Variants in NBAS observed in about 807,000 individuals in gnomAD.
NBAS encodes NBAS subunit of NRZ tethering complex.
Under a neutral mutation model 302.5 loss-of-function variants are expected in NBAS, and 219 were observed. The observed-to-expected ratio is 0.72, with a 90% confidence interval of 0.65 to 0.81. NBAS has a LOEUF of 0.81. Ranked by LOEUF, NBAS falls within the 30% of genes least tolerant of loss-of-function variation. NBAS has a pLI of 0.00. For synonymous variants in NBAS, 1,118 were observed against 1,021.6 expected, an observed-to-expected ratio of 1.09 and a Z score of -1.80; for missense variants, 2,932 against 2,841.6, an observed-to-expected ratio of 1.03 and a Z score of -0.72.
At position 15,474,094 on chromosome 2, in the gene NBAS, C is replaced by T. The variant is rs774185242; in HGVS notation, c.1572G>A (p.Thr524=). The change falls in exon 15 of 52, where the codon ACG becomes ACA. Residue 524 remains threonine, a synonymous_variant. Coordinates refer to ENST00000281513, the MANE Select transcript of NBAS (RefSeq NM_015909.4). The part of the protein sequence containing the change: ...KNYRLVSLRS[T]TPEELYQRKI... ...TCCTCTGATAAAGTTCCTCTGGTGT[C>T]GTGGAGCGCAAACTCACAAGGCGGT... 9.9e-6 allele frequency: 16 copies of T among 1,614,014 alleles called. No homozygotes were observed. In the African/African-American group the frequency reaches 1.2e-4, roughly 12 times the overall value.
At chr2:15,528,191 C>T (rs186838250) in intron 9 of NBAS, among the ~76,000 whole-genome samples, 35 of 151,848 alleles carry the variant, frequency 2.3e-4, no homozygotes, top group Middle Eastern at 3.4e-3. Context: ...CCATCATATC[C>T]GGATTGTATC....
chr2:14,779,116 T>C, the NBAS span, among the ~76,000 whole-genome samples: 8 of 152,140 alleles, frequency 5.3e-5, no homozygotes, highest in Non-Finnish European at 1.0e-4. Context: ...GTGAAAAGTA[T>C]GAAGGATCAG....
chr2:15,467,329 C>G lies in NBAS; in HGVS notation c.2097G>C (p.Glu699Asp). 1 of 1,606,776 alleles carries G rather than the reference C, an allele frequency of 6.2e-7. No individual in the cohort carries two copies. The highest frequency in any genetic ancestry group is 8.5e-7 in the Non-Finnish European group (1 of 1,173,598). The change falls in exon 19 of 52, where the codon GAG becomes GAC. Residue 699 changes from glutamate to aspartate, a missense_variant and splice_region_variant. By Grantham distance (45) the Glu-to-Asp change is conservative. Coordinates refer to ENST00000281513, the MANE Select transcript of NBAS (RefSeq NM_015909.4). ...LTYLDRLATY[E>D]EILGVPHASE... is the part of the protein sequence containing the mutation. ...TGGTTTGACAAAAATTATTCATTACCTCATATGTTGCAAGTCGATCTAAGT... is the reference window on the plus strand; with the variant it reads ...TGGTTTGACAAAAATTATTCATTACGTCATATGTTGCAAGTCGATCTAAGT...
intron 32 of NBAS, among the ~76,000 whole-genome samples, chr2:15,358,946 C>T (rs1382604636): frequency 1.3e-5 from 2 of 152,182 alleles, no homozygotes; most frequent in Non-Finnish European, 2.9e-5. Context: ...ATTTGAGCTA[C>T]AGAAGATGCA....
chr2:15,025,776 G>A, the NBAS span, among the ~76,000 whole-genome samples: 1 of 152,234 alleles, frequency 6.6e-6, no homozygotes, highest in East Asian at 1.9e-4. Context: ...GGCGCTGGCA[G>A]TGTATAGGAT....
intron 47 of NBAS, among the ~76,000 whole-genome samples, chr2:15,220,732 G>A (rs989818262): frequency 2.0e-5 from 3 of 152,176 alleles, no homozygotes; most frequent in Admixed American, 2.0e-4. Context: ...CCATGCTAAA[G>A]CACTGAATTA....
the NBAS span, among the ~76,000 whole-genome samples, chr2:14,944,412 A>G: frequency 3.9e-5 from 6 of 152,238 alleles, no homozygotes; most frequent in Non-Finnish European, 7.4e-5. Flanking sequence ...TTTCACCCCA[A>G]CCCTACAAGG....
chr2:15,560,087 A>G (rs1028186048), intron 1 of NBAS, among the ~76,000 whole-genome samples: 6 of 152,322 alleles, frequency 3.9e-5, no homozygotes, highest in African/African-American at 1.4e-4. Flanking sequence ...TCTCCAGCAA[A>G]GAAACACTCA....
chr2:14,822,309 T>G, the NBAS span, among the ~76,000 whole-genome samples: 1 of 152,118 alleles, frequency 6.6e-6, no homozygotes, highest in Non-Finnish European at 1.5e-5. Flanking sequence ...GTTATCAATT[T>G]TTCCCAGAAA....
chr2:14,979,831 G>C, the NBAS span, among the ~76,000 whole-genome samples: 1 of 152,146 alleles, frequency 6.6e-6, no homozygotes, highest in Non-Finnish European at 1.5e-5. Flanking sequence ...TGGTTAGTGC[G>C]TTAGGAAAAA....
intron 16 of NBAS, among the ~76,000 whole-genome samples, chr2:15,471,618 G>C (rs1679959120): frequency 6.6e-6 from 1 of 152,060 alleles, no homozygotes; most frequent in Non-Finnish European, 1.5e-5. Context: ...ATATAGGCTT[G>C]CTATGAAATC....
At chr2:15,458,374 T>TG (rs1283644719) in intron 21 of NBAS, among the ~76,000 whole-genome samples, 2 of 152,222 alleles carry the variant, frequency 1.3e-5, no homozygotes, top group African/African-American at 4.8e-5. Flanking sequence ...TGATTCCCAG[T>TG]GCTGGAGGCG....
the NBAS span, among the ~76,000 whole-genome samples, chr2:14,888,962 CT>C: frequency 1.5e-4 from 23 of 152,360 alleles, no homozygotes; most frequent in African/African-American, 5.3e-4. Context: ...CCACACTTCA[CT>C]TCCCGCGGGC....
intron 47 of NBAS, among the ~76,000 whole-genome samples, chr2:15,225,784 T>A (rs1558453571): frequency 6.6e-6 from 1 of 152,238 alleles, no homozygotes. Context: ...TTTAATGCTA[T>A]AAATCCTTTT....
chr2:15,319,320 A>T (rs1178999359), intron 38 of NBAS, among the ~76,000 whole-genome samples: 2 of 152,212 alleles, frequency 1.3e-5, no homozygotes, highest in East Asian at 3.9e-4. Context: ...TCGACACCAA[A>T]CATCACAATT....
the NBAS span, among the ~76,000 whole-genome samples, chr2:15,098,044 T>TACA: frequency 0.086 from 19 of 220 alleles, 5 homozygotes; most frequent in Admixed American, 0.38. Context: ...TTATATTGTA[T>TACA]ATAATATATT....
the NBAS span, among the ~76,000 whole-genome samples, chr2:15,045,583 A>G: frequency 6.0e-3 from 918 of 152,274 alleles, 6 homozygotes; most frequent in Middle Eastern, 0.034. Flanking sequence ...CATTGTATAT[A>G]TACATCACAT....
At chr2:15,271,757 C>T (rs1382956323) in intron 44 of NBAS, among the ~76,000 whole-genome samples, 1 of 152,114 alleles carries the variant, frequency 6.6e-6, no homozygotes, top group South Asian at 2.1e-4. Flanking sequence ...CACCTAATAC[C>T]AAGCAAATTG....
chr2:15,002,238 GTGCC>G, the NBAS span, among the ~76,000 whole-genome samples: 1 of 151,954 alleles, frequency 6.6e-6, no homozygotes, highest in Non-Finnish European at 1.5e-5. Context: ...TAGATAGAGA[GTGCC>G]TGCCGATTGG....
Sources: allele counts gnomAD v4.1 joint callset (sites outside exome capture counted in the v4.1 genomes callset), GRCh38; gene constraint gnomAD v4.1.1; transcripts MANE v1.5; gene names NCBI Gene and HGNC (gene_info 2026-07-23, HGNC 2026-07-21).